The following CTNNA3 variants were observed in gnomAD, a reference collection of about 807,000 sequenced individuals.
CTNNA3 encodes the protein catenin alpha 3, also known as catenin alpha-3.
In CTNNA3, 76 loss-of-function variants were observed where a neutral mutation model predicts 95.7. That is an observed-to-expected ratio of 0.79 (90% confidence interval 0.66 to 0.96). The LOEUF is 0.96. CTNNA3 is among the 40% of genes least tolerant of loss of function. The pLI, the probability that CTNNA3 is intolerant of heterozygous loss-of-function variation, is 0.00. For synonymous variants in CTNNA3, 431 were observed against 374.4 expected (o/e 1.15, Z -1.74); for missense variants, 1,191 against 1,089.8 (o/e 1.09, Z -1.31).
intron 13 of CTNNA3, among the ~76,000 whole-genome samples, chr10:66,243,645 C>T (rs1470003566): frequency 6.6e-6 from 1 of 152,174 alleles, no homozygotes; most frequent in African/African-American, 2.4e-5. Context: ...TGTTTTACAT[C>T]TCCCTAAAAT....
intron 3 of CTNNA3, among the ~76,000 whole-genome samples, chr10:67,549,394 G>T (rs1840949927): frequency 6.6e-6 from 1 of 152,112 alleles, no homozygotes; most frequent in South Asian, 2.1e-4. Flanking sequence ...CATCTCTCTC[G>T]GAAATCCCTG....
chr10:66,156,654 G>A (rs919730803), intron 13 of CTNNA3, among the ~76,000 whole-genome samples: 2 of 151,838 alleles, frequency 1.3e-5, no homozygotes, highest in Non-Finnish European at 2.9e-5. Context: ...CATATAGAAA[G>A]ATAGAGGAGA....
intron 12 of CTNNA3, among the ~76,000 whole-genome samples, chr10:66,319,919 G>A (rs1044957732): frequency 1.3e-5 from 2 of 152,208 alleles, no homozygotes; most frequent in East Asian, 3.9e-4. Flanking sequence ...ATACTGAGTG[G>A]ATGAATTTAA....
At chr10:65,989,103 G>T (rs944339842) in intron 15 of CTNNA3, among the ~76,000 whole-genome samples, 1 of 152,042 alleles carries the variant, frequency 6.6e-6, no homozygotes, top group Admixed American at 6.5e-5. Flanking sequence ...ACCATGCCCG[G>T]CTAATTTTTG....
intron 16 of CTNNA3, among the ~76,000 whole-genome samples, chr10:65,975,195 G>A (rs981905006): frequency 2.6e-5 from 4 of 152,118 alleles, no homozygotes; most frequent in Non-Finnish European, 5.9e-5. Flanking sequence ...CAATCTGCAA[G>A]ATAGGCATGG....
chr10:66,442,595 G>A (rs2093383003), intron 11 of CTNNA3, among the ~76,000 whole-genome samples: 1 of 152,108 alleles, frequency 6.6e-6, no homozygotes, highest in African/African-American at 2.4e-5. Flanking sequence ...AAGTTGCATT[G>A]ATGAATAGAA....
At chr10:66,966,511 A>G (rs933167262) in intron 7 of CTNNA3, among the ~76,000 whole-genome samples, 1 of 150,876 alleles carries the variant, frequency 6.6e-6, no homozygotes, top group African/African-American at 2.4e-5. Context: ...TATACCTTTC[A>G]GATTATTCAA....
intron 10 of CTNNA3, among the ~76,000 whole-genome samples, chr10:66,539,949 C>A (rs1009333330): frequency 3.9e-5 from 6 of 151,992 alleles, no homozygotes. Context: ...TATAATAGTC[C>A]TGGTCAATGT....
At chr10:67,188,618 T>A (rs1489504523) in intron 6 of CTNNA3, among the ~76,000 whole-genome samples, 1 of 152,114 alleles carries the variant, frequency 6.6e-6, no homozygotes, top group African/African-American at 2.4e-5. Flanking sequence ...AGAACTATCA[T>A]ATAATCAGCA....
intron 13 of CTNNA3, among the ~76,000 whole-genome samples, chr10:66,255,578 C>A (rs552217822): frequency 5.9e-5 from 9 of 152,178 alleles, no homozygotes; most frequent in African/African-American, 2.2e-4. Context: ...ACACTCTCCT[C>A]ATCCTGCTCC....
At chr10:67,401,233 G>T (rs1317611507) in intron 5 of CTNNA3, among the ~76,000 whole-genome samples, 3 of 152,190 alleles carry the variant, frequency 2.0e-5, no homozygotes, top group South Asian at 2.1e-4. Context: ...CCAGAACTAT[G>T]AGAAATAAAT....
chr10:67,082,602 T>C (rs1857107353), intron 7 of CTNNA3, among the ~76,000 whole-genome samples: 1 of 152,156 alleles, frequency 6.6e-6, no homozygotes, highest in Admixed American at 6.5e-5. Flanking sequence ...ACTAAGGTCT[T>C]TGAATAACTC....
intron 13 of CTNNA3, among the ~76,000 whole-genome samples, chr10:66,170,241 C>CT (rs57644952): frequency 0.15 from 11,157 of 73,210 alleles, 1,575 homozygotes; most frequent in African/African-American, 0.29. Flanking sequence ...TCCTCATTGT[C>CT]TTTTTTTTTT....
intron 7 of CTNNA3, among the ~76,000 whole-genome samples, chr10:66,965,407 T>C (rs1006319984): frequency 1.3e-5 from 2 of 151,712 alleles, no homozygotes. Context: ...TGGTGGCAGG[T>C]GCCTATAGTC....
chr10:66,846,593 GTA>G (rs1236328060), intron 7 of CTNNA3, among the ~76,000 whole-genome samples: 1 of 150,712 alleles, frequency 6.6e-6, no homozygotes, highest in Non-Finnish European at 1.5e-5. Flanking sequence ...GTGTGTGTGT[GTA>G]TATATATATA....
At chr10:66,887,732 A>C (rs756846062) in intron 7 of CTNNA3, among the ~76,000 whole-genome samples, 16 of 152,170 alleles carry the variant, frequency 1.1e-4, no homozygotes, top group Admixed American at 6.6e-5. Flanking sequence ...AATCTGACTT[A>C]CTTTTAGAAC....
At chr10:66,092,928 A>G (rs1176785815) in intron 14 of CTNNA3, among the ~76,000 whole-genome samples, 1 of 151,966 alleles carries the variant, frequency 6.6e-6, no homozygotes, top group Non-Finnish European at 1.5e-5. Flanking sequence ...TAAAAAAGAT[A>G]TCTTTTTAAT....
chr10:67,310,892 A>G (rs2616679), intron 5 of CTNNA3, among the ~76,000 whole-genome samples: 137,740 of 152,186 alleles, frequency 0.91, 62,805 homozygotes, highest in Middle Eastern at 0.97. Context: ...CATAGCCAAA[A>G]CATATCAACC....
intron 1 of CTNNA3, among the ~76,000 whole-genome samples, chr10:67,665,289 A>G (rs770838593): frequency 3.9e-5 from 6 of 152,216 alleles, no homozygotes; most frequent in African/African-American, 1.4e-4. Context: ...AATGCCTGCT[A>G]ATATACTCGG....
Sources: gnomAD v4.1 joint callset for allele counts (sites outside exome capture counted in the v4.1 genomes callset) on GRCh38, gnomAD v4.1.1 for gene constraint, MANE v1.5 for transcripts, NCBI Gene and HGNC (gene_info 2026-07-23, HGNC 2026-07-21) for gene names.